BMP5: variants seen among roughly 807,000 people sequenced by gnomAD.
BMP5 encodes the protein bone morphogenetic protein 5.
Under a neutral mutation model 46.6 loss-of-function variants are expected in BMP5, and 23 were observed. That is an observed-to-expected ratio of 0.49 (90% CI 0.35 to 0.70). BMP5 has a LOEUF of 0.70. Ranked by LOEUF, BMP5 falls within the 30% of genes least tolerant of loss-of-function variation. BMP5 has a pLI of 0.00. For synonymous variants in BMP5, 204 were observed against 191.9 expected (o/e 1.06, Z -0.52); for missense variants, 545 against 565.6 (o/e 0.96, Z 0.37).
intron 1 of BMP5, among the ~76,000 whole-genome samples, chr6:55,822,082 T>A (rs549414398): frequency 6.6e-6 from 1 of 152,270 alleles, no homozygotes; most frequent in South Asian, 2.1e-4. Flanking sequence ...ATTATCCTCA[T>A]TTTAGAAATG....
intron 1 of BMP5, among the ~76,000 whole-genome samples, chr6:55,830,029 C>T (rs1776628475): frequency 6.6e-6 from 1 of 151,864 alleles, no homozygotes; most frequent in Non-Finnish European, 1.5e-5. Flanking sequence ...TATTATATGT[C>T]ATAAGTTTCC....
intron 4 of BMP5, 116 bp downstream of exon 4, chr6:55,773,933 G>T: frequency 8.9e-7 from 1 of 1,128,446 alleles, no homozygotes; most frequent in Non-Finnish European, 1.3e-6. Flanking sequence ...ATCACTGGAA[G>T]ATTTAATGTA....
intron 1 of BMP5, among the ~76,000 whole-genome samples, chr6:55,835,476 A>G (rs1776771875): frequency 6.6e-6 from 1 of 152,194 alleles, no homozygotes; most frequent in Non-Finnish European, 1.5e-5. Context: ...AATCAACTCA[A>G]ACTGCAAATC....
At chr6:55,826,991 T>C (rs934007569) in intron 1 of BMP5, among the ~76,000 whole-genome samples, 1 of 151,778 alleles carries the variant, frequency 6.6e-6, no homozygotes, top group African/African-American at 2.4e-5. Context: ...CAGAACAATG[T>C]TTCTGCTTTA....
chr6:55,806,125 C>G (rs917427053), intron 2 of BMP5, among the ~76,000 whole-genome samples: 8 of 152,010 alleles, frequency 5.3e-5, no homozygotes, highest in Admixed American at 1.3e-4. Context: ...TTGGCATTTT[C>G]ATCATAAAGT....
intron 2 of BMP5, among the ~76,000 whole-genome samples, chr6:55,798,898 A>G (rs1413384433): frequency 6.6e-6 from 1 of 152,208 alleles, no homozygotes; most frequent in Non-Finnish European, 1.5e-5. Context: ...TTAAAATACC[A>G]GAAGGACACT....
intron 2 of BMP5, among the ~76,000 whole-genome samples, chr6:55,802,357 G>A (rs977551625): frequency 1.3e-5 from 2 of 152,100 alleles, no homozygotes; most frequent in African/African-American, 4.8e-5. Flanking sequence ...AAATATCAAA[G>A]GGAAATTGGA....
intron 1 of BMP5, among the ~76,000 whole-genome samples, chr6:55,855,898 C>T (rs535840358): frequency 6.6e-5 from 10 of 152,228 alleles, no homozygotes; most frequent in East Asian, 3.9e-4. Context: ...ATTGTAAACA[C>T]GGCATAATCT....
chr6:55,818,923 G>A (rs1341373431), intron 2 of BMP5, among the ~76,000 whole-genome samples: 1 of 151,766 alleles, frequency 6.6e-6, no homozygotes. Flanking sequence ...AGATACATGA[G>A]AGATAGATAG....
chr6:55,834,297 T>C (rs1449533060), intron 1 of BMP5, among the ~76,000 whole-genome samples: 1 of 152,206 alleles, frequency 6.6e-6, no homozygotes, highest in East Asian at 1.9e-4. Context: ...CTTTCCTCGC[T>C]CCTTTAATCC....
At chr6:55,865,402 T>C (rs760804380) in intron 1 of BMP5, 1 of 505,776 alleles carries the variant, frequency 2.0e-6, no homozygotes, top group East Asian at 5.6e-5. Flanking sequence ...TCTAGGACTC[T>C]GACCAAAGGT....
chr6:55,808,824 A>G (rs1255523140), intron 2 of BMP5, among the ~76,000 whole-genome samples: 3 of 152,048 alleles, frequency 2.0e-5, no homozygotes, highest in East Asian at 1.9e-4. Context: ...CAGAACCTGG[A>G]TACCTCGGTT....
At chr6:55,865,495 T>C (rs1472803487) in intron 1 of BMP5, 1 of 460,732 alleles carries the variant, frequency 2.2e-6, no homozygotes, top group Non-Finnish European at 4.4e-6. Context: ...GTCCGTCTCA[T>C]GAAGGCTCTG....
At position 55,856,306 on chromosome 6, in the gene BMP5, T is replaced by C. The variant is rs1582124181; in HGVS notation, c.490+18070A>G. Among the ~76,000 whole-genome samples the C allele has an allele frequency of 2.0e-5, 3 of 152,312 alleles. No individual in the cohort carries two copies. The South Asian group carries it at 6.2e-4, about 32-fold the overall frequency. ...AAGGATGTTTAAGTTGTTTCCAGTT[T>C]TGGAGAATTGTGAATACAATCACTA... On this transcript the variant is annotated intron_variant, in intron 1 of 6. Coordinates refer to ENST00000370830, the MANE Select transcript of BMP5 (RefSeq NM_021073.4).
intron 1 of BMP5, among the ~76,000 whole-genome samples, chr6:55,846,244 C>A (rs1777095475): frequency 1.3e-5 from 2 of 151,958 alleles, no homozygotes; most frequent in Admixed American, 1.3e-4. Flanking sequence ...GGAGCCAAGA[C>A]ATTGTCTTGA....
chr6:55,810,667 C>A (rs1036294318), intron 2 of BMP5, among the ~76,000 whole-genome samples: 1 of 152,166 alleles, frequency 6.6e-6, no homozygotes, highest in Non-Finnish European at 1.5e-5. Context: ...ATGGTCAAAG[C>A]AAAATTCACT....
intron 1 of BMP5, among the ~76,000 whole-genome samples, chr6:55,841,916 C>CAGAGAGAGAGAGAGAGAG (rs143400522): frequency 1.5e-3 from 225 of 146,912 alleles, no homozygotes; most frequent in African/African-American, 5.4e-3. Context: ...GAGAGAGAGA[C>CAGAGAGAGAGAGAGAGAG]AGAGAGAGAG....
chr6:55,816,493 T>C (rs1022012114), intron 2 of BMP5, among the ~76,000 whole-genome samples: 2 of 152,178 alleles, frequency 1.3e-5, no homozygotes, highest in Non-Finnish European at 2.9e-5. Flanking sequence ...TCACTATATA[T>C]GCCTGGCCCT....
chr6:55,796,982 T>C (rs1315337622), intron 2 of BMP5, among the ~76,000 whole-genome samples: 1 of 152,214 alleles, frequency 6.6e-6, no homozygotes, highest in East Asian at 1.9e-4. Flanking sequence ...TTTCTATTAA[T>C]GGTCAAAGCT....
Sources: allele counts gnomAD v4.1 joint callset (sites outside exome capture counted in the v4.1 genomes callset), GRCh38; gene constraint gnomAD v4.1.1; transcripts MANE v1.5; gene names NCBI Gene and HGNC (gene_info 2026-07-23, HGNC 2026-07-21).